The following ARRB2 variants were observed in gnomAD, a reference collection of about 807,000 sequenced individuals.
ARRB2 encodes arrestin beta 2, also known as beta-arrestin-2.
Under a neutral mutation model 53.4 loss-of-function variants are expected in ARRB2, and 21 were observed. The ratio of observed to expected loss-of-function variants is 0.39; its 90% CI spans 0.28 to 0.57. The LOEUF is 0.57. Ranked by LOEUF, ARRB2 falls within the 20% of genes least tolerant of loss-of-function variation. ARRB2 has a pLI of 0.55. For missense variants in ARRB2, 369 were observed against 527.5 expected (o/e 0.70, Z 2.94); for synonymous variants, 180 against 212.9 (o/e 0.85, Z 1.34).
chr17:4,721,190 A>G lies in ARRB2; in HGVS notation c.*151A>G. 1.4e-6 allele frequency: 1 copy of G among 736,766 alleles called. No individual in the cohort carries two copies. The highest frequency in any genetic ancestry group is 2.2e-6 in the Non-Finnish European group (1 of 453,742). The allele number at this position is 736,766 out of a possible 1,614,324, so 45.6% of individuals were successfully genotyped here. A position where few individuals can be genotyped will look rare whatever the true frequency, so the allele number is the denominator to read the frequency against. ...CCAATCCCTTCACACTCTCTCCCCC[A>G]TCCCCCCAAGATACACACTGGACCC... is the stretch of plus-strand genomic sequence containing the variant. On this transcript the variant is annotated 3_prime_UTR_variant, in exon 15 of 15. Coordinates refer to ENST00000269260, the MANE Select transcript of ARRB2 (RefSeq NM_004313.4). The surrounding 1 kb of genome is among the most constrained non-coding windows in gnomAD (Gnocchi z 4.2).
chr17:4,716,886 G>A (rs1915124445), intron 5 of ARRB2: 1 of 637,626 alleles, frequency 1.6e-6, no homozygotes, highest in Non-Finnish European at 2.7e-6. Context: ...CCAGGCTGGA[G>A]TGCAGTGGCA....
chr17:4,716,391 C>T (rs752559178), intron 4 of ARRB2, 21 bp from the exon 5 acceptor site: 2 of 1,614,006 alleles, frequency 1.2e-6, no homozygotes, highest in Non-Finnish European at 1.7e-6. Flanking sequence ...CCTGACCACT[C>T]ATCTCACCCT....
intron 9 of ARRB2, 100 bp from the exon 10 acceptor site, chr17:4,718,512 A>G: frequency 7.6e-7 from 1 of 1,316,630 alleles, no homozygotes; most frequent in Non-Finnish European, 1.1e-6. Flanking sequence ...TTACTGCTTC[A>G]GTGGGGAGCA....
At chr17:4,715,694 GACACAC>G (rs150787978) in intron 2 of ARRB2, 73,083 of 442,244 alleles carry the variant, frequency 0.17, 4,069 homozygotes, top group Non-Finnish European at 0.22. Context: ...GTTGGCTGAG[GACACAC>G]ACACACACAC....
intron 11 of ARRB2, 115 bp downstream of exon 11, chr17:4,719,535 T>G (rs1915473263): frequency 1.4e-6 from 2 of 1,435,918 alleles, no homozygotes; most frequent in Admixed American, 2.3e-5. Context: ...AAAGAACTCT[T>G]ACATTCTAGG....
chr17:4,715,893 G>A, intron 2 of ARRB2, 80 bp from the exon 3 acceptor site: 2 of 1,523,782 alleles, frequency 1.3e-6, no homozygotes, highest in Non-Finnish European at 1.8e-6. Flanking sequence ...AGATCCCCGG[G>A]CAGGGCAGCC....
At chr17:4,716,351 T>G in intron 4 of ARRB2, 61 bp from the exon 5 acceptor site, 1 of 1,613,554 alleles carries the variant, frequency 6.2e-7, no homozygotes, top group South Asian at 1.1e-5. Flanking sequence ...CAGCGGCTGC[T>G]AGGTGCCAGG....
At chr17:4,715,646 C>CT (rs1478301952) in intron 2 of ARRB2, 1 of 409,900 alleles carries the variant, frequency 2.4e-6, no homozygotes, top group Non-Finnish European at 4.5e-6. Flanking sequence ...CACACACAGA[C>CT]ACACATGCAC....
intron 2 of ARRB2, chr17:4,715,307 G>C: frequency 2.0e-6 from 1 of 502,332 alleles, no homozygotes; most frequent in Non-Finnish European, 3.5e-6. Flanking sequence ...CAAGCCATGT[G>C]CCTGTAGCCC....
chr17:4,713,384 G>C (rs1316384332), intron 1 of ARRB2, among the ~76,000 whole-genome samples: 2 of 152,106 alleles, frequency 1.3e-5, no homozygotes, highest in African/African-American at 4.8e-5. Flanking sequence ...TGTAATCCCA[G>C]CACTTTGGGA....
chr17:4,719,661 G>C (rs1412150589), intron 11 of ARRB2, among the ~76,000 whole-genome samples: 1 of 152,156 alleles, frequency 6.6e-6, no homozygotes, highest in Non-Finnish European at 1.5e-5. Flanking sequence ...AGGTGCGAAG[G>C]TGAATTCGGA....
At chr17:4,719,156 C>T in intron 10 of ARRB2, 127 bp from the exon 11 acceptor site, 1 of 1,163,464 alleles carries the variant, frequency 8.6e-7, no homozygotes, top group South Asian at 1.6e-5. Context: ...CCAAAACCTA[C>T]TCCCTTGTGA....
In ARRB2 at chr17:4,716,474, T is replaced by G; in HGVS notation, c.223T>G (p.Ser75Ala). Residue 75 changes from serine (S) to alanine (A), a missense_variant, in exon 5 of 15, where the codon TCC becomes GCC. Coordinates refer to ENST00000269260, the MANE Select transcript of ARRB2 (RefSeq NM_004313.4). ...GREDLDVLGL[S>A]FRKDLFIATY... The stretch of plus-strand genomic sequence containing the variant: ...TGAAGACCTGGATGTGCTGGGCTTG[T>G]CCTTCCGCAAAGACCTGTTCATCGC... The G allele has an allele frequency of 6.2e-7, 1 of 1,614,154 alleles. No individual in the cohort carries two copies. The highest frequency in any genetic ancestry group is 8.5e-7 in the Non-Finnish European group (1 of 1,180,020).
chr17:4,712,647 T>C (rs1201278158), intron 1 of ARRB2, among the ~76,000 whole-genome samples: 1 of 152,216 alleles, frequency 6.6e-6, no homozygotes, highest in Non-Finnish European at 1.5e-5. Context: ...AGGTGGTGCT[T>C]CAAAGAACAG....
rs1179840428 is a variant in ARRB2 at position 4,715,176 on chromosome 17, C to T, written c.54+133C>T. ...CTCCCCACTTCCTGTGACAGCTAAG[C>T]GCCGACTTCCTTCCCTCCTGAAGCC... On this transcript the variant is annotated intron_variant, in intron 2 of 14. Coordinates refer to ENST00000269260, the MANE Select transcript of ARRB2 (RefSeq NM_004313.4). The T allele has an allele frequency of 1.3e-5, 14 of 1,048,614 alleles. No homozygotes were observed. In the East Asian group the frequency reaches 1.6e-4, roughly 12 times the overall value. The allele number at this position is 1,048,614 out of a possible 1,614,324, so 65.0% of individuals were successfully genotyped here.
intron 9 of ARRB2, 39 bp from the exon 10 acceptor site, chr17:4,718,573 G>T (rs766395622): frequency 3.1e-5 from 50 of 1,600,406 alleles, no homozygotes; most frequent in Non-Finnish European, 4.1e-5. Flanking sequence ...GGTGGCTTGT[G>T]CTCCATCCAG....
rs756472191 is a variant in ARRB2, at chr17:4,717,241, G to C, written c.382G>C (p.Val128Leu). The C allele has an allele frequency of 6.2e-7, 1 of 1,614,112 alleles. No individual in the cohort carries two copies. The highest frequency in any genetic ancestry group is 8.5e-7 in the Non-Finnish European group (1 of 1,179,984). Residue 128 changes from valine (V) to leucine (L), a missense_variant, in exon 6 of 15, where the codon GTC becomes CTC. Transcript: ENST00000269260. This position sits in a 1 kb window ranked among gnomAD's most constrained non-coding sequence, Gnocchi z 6.0. Reference protein sequence around the residue: ...FTIPQNLPCSVTLQPGPEDTG... With the variant: ...FTIPQNLPCSLTLQPGPEDTG... ...GATACCCCAGAATCTTCCATGCTCC[G>C]TCACACTGCAGCCAGGCCCAGAGGA...
chr17:4,714,979 G>T (rs1413625563), intron 1 of ARRB2, 34 bp from the exon 2 acceptor site: 1 of 1,584,174 alleles, frequency 6.3e-7, no homozygotes, highest in Non-Finnish European at 8.6e-7. Context: ...TGAGTCTGAG[G>T]GAGGCAGTGG....
At position 4,717,835 on chromosome 17, in the gene ARRB2, G is replaced by A; in HGVS notation, c.486-53G>A. On this transcript the variant is annotated intron_variant, in intron 7 of 14. Transcript: ENST00000269260. This position sits in a 1 kb window ranked among gnomAD's most constrained non-coding sequence, Gnocchi z 6.0. The stretch of plus-strand genomic sequence containing the variant: ...AGCCCAGGCCCCGTGCGGGGGAGGA[G>A]TAGGGTTGGGGTGTGTGAGGAATGA... The A allele has an allele frequency of 6.2e-7, 1 of 1,613,694 alleles. No homozygotes were observed. The highest frequency in any genetic ancestry group is 8.5e-7 in the Non-Finnish European group (1 of 1,179,714).
Sources: gnomAD v4.1 joint callset for allele counts (sites outside exome capture counted in the v4.1 genomes callset) on GRCh38, gnomAD v4.1.1 for gene constraint, Gnocchi (gnomAD v3.1) non-coding constraint, MANE v1.5 for transcripts, NCBI Gene and HGNC (gene_info 2026-07-23, HGNC 2026-07-21) for gene names.